CLSTN2: variants seen among roughly 807,000 people sequenced by gnomAD.
CLSTN2 encodes the protein calsyntenin 2.
A neutral mutation model predicts 101.2 loss-of-function variants in CLSTN2; 48 were observed. The ratio of observed to expected loss-of-function variants is 0.47; its 90% confidence interval spans 0.38 to 0.60. The LOEUF (loss-of-function observed/expected upper bound fraction) is 0.60, where lower values mean the gene tolerates loss of function less well. Among genes scored for constraint, CLSTN2 ranks in the 20% least tolerant of loss-of-function variants. The pLI is 0.00. For synonymous variants in CLSTN2, 481 were observed against 463.6 expected (o/e 1.04, Z -0.48); for missense variants, 1,160 against 1,238.2 (o/e 0.94, Z 0.95).
intron 1 of CLSTN2, among the ~76,000 whole-genome samples, chr3:140,003,841 T>G (rs1322740836): frequency 6.6e-6 from 1 of 152,204 alleles, no homozygotes; most frequent in South Asian, 2.1e-4. Context: ...ATTGATTTGA[T>G]TCTTTAACAT....
At chr3:140,175,455 A>T (rs2010308712) in intron 1 of CLSTN2, among the ~76,000 whole-genome samples, 1 of 152,192 alleles carries the variant, frequency 6.6e-6, no homozygotes, top group Non-Finnish European at 1.5e-5. Flanking sequence ...GTATACATGT[A>T]TTTAAAATGC....
intron 2 of CLSTN2, among the ~76,000 whole-genome samples, chr3:140,304,046 A>C (rs576261445): frequency 2.6e-5 from 4 of 152,262 alleles, no homozygotes; most frequent in African/African-American, 9.6e-5. Flanking sequence ...TATGGATTAA[A>C]TGAGACAATA....
intron 1 of CLSTN2, among the ~76,000 whole-genome samples, chr3:139,965,121 G>A (rs1224117595): frequency 6.6e-6 from 1 of 152,090 alleles, no homozygotes; most frequent in South Asian, 2.1e-4. Context: ...GGTGTTATTT[G>A]GTGAAGAAAA....
intron 2 of CLSTN2, among the ~76,000 whole-genome samples, chr3:140,213,546 C>A (rs2010884486): frequency 6.6e-6 from 1 of 152,206 alleles, no homozygotes; most frequent in Admixed American, 6.5e-5. Flanking sequence ...GGCCCACAGG[C>A]CTGGGAAGAG....
chr3:140,188,419 G>T (rs934530720), intron 2 of CLSTN2, among the ~76,000 whole-genome samples: 4 of 152,186 alleles, frequency 2.6e-5, no homozygotes, highest in African/African-American at 7.2e-5. Flanking sequence ...GAAGCATGGT[G>T]GTAGGGAGAG....
chr3:140,057,255 A>C (rs550010749), intron 1 of CLSTN2, among the ~76,000 whole-genome samples: 110 of 152,382 alleles, frequency 7.2e-4, no homozygotes, highest in African/African-American at 2.4e-3. Flanking sequence ...ACTTGAGCCC[A>C]GTGCTCCTAA....
At chr3:140,379,162 A>T (rs2087952240) in intron 2 of CLSTN2, among the ~76,000 whole-genome samples, 1 of 152,214 alleles carries the variant, frequency 6.6e-6, no homozygotes, top group South Asian at 2.1e-4. Context: ...AGAGGCACAG[A>T]TGAATCACTT....
At chr3:139,986,532 G>A (rs1244890613) in intron 1 of CLSTN2, among the ~76,000 whole-genome samples, 1 of 152,164 alleles carries the variant, frequency 6.6e-6, no homozygotes, top group Non-Finnish European at 1.5e-5. Flanking sequence ...CCCTCTTCTT[G>A]TGGAGAACAT....
At chr3:140,331,889 TC>T (rs1277747024) in intron 2 of CLSTN2, among the ~76,000 whole-genome samples, 1 of 152,186 alleles carries the variant, frequency 6.6e-6, no homozygotes, top group Non-Finnish European at 1.5e-5. Context: ...CTATGTCTGT[TC>T]CCTCCAAACC....
intron 2 of CLSTN2, among the ~76,000 whole-genome samples, chr3:140,281,767 A>T (rs200145885): frequency 1.3e-3 from 3 of 2,388 alleles, no homozygotes; most frequent in East Asian, 0.071. Flanking sequence ...AGAGAGCGAG[A>T]GAGAGAGAGA....
At chr3:140,247,266 A>G (rs1448008111) in intron 2 of CLSTN2, among the ~76,000 whole-genome samples, 1 of 152,194 alleles carries the variant, frequency 6.6e-6, no homozygotes, top group African/African-American at 2.4e-5. Context: ...AGCAGCAATT[A>G]TGGCCTAATT....
At chr3:139,938,382 T>C (rs946807560) in intron 1 of CLSTN2, among the ~76,000 whole-genome samples, 2 of 152,204 alleles carry the variant, frequency 1.3e-5, no homozygotes, top group African/African-American at 4.8e-5. Flanking sequence ...TCTTGCTTCT[T>C]GCTTCTTGCT....
chr3:140,049,119 A>G (rs567141138), intron 1 of CLSTN2, among the ~76,000 whole-genome samples: 4 of 152,290 alleles, frequency 2.6e-5, no homozygotes, highest in African/African-American at 4.8e-5. Context: ...AGTTAATTCT[A>G]TCTAAGGCAC....
chr3:140,420,802 G>T (rs531697492), intron 4 of CLSTN2, among the ~76,000 whole-genome samples: 14 of 152,168 alleles, frequency 9.2e-5, no homozygotes. Flanking sequence ...ACAATCACAC[G>T]GCTGTACTTC....
intron 2 of CLSTN2, among the ~76,000 whole-genome samples, chr3:140,212,641 C>G (rs144191583): frequency 6.6e-6 from 1 of 152,210 alleles, no homozygotes; most frequent in Non-Finnish European, 1.5e-5. Flanking sequence ...CCTTTATTGT[C>G]TGTATCCTCC....
intron 1 of CLSTN2, among the ~76,000 whole-genome samples, chr3:140,021,722 C>T (rs2007320781): frequency 6.6e-6 from 1 of 152,172 alleles, no homozygotes; most frequent in Non-Finnish European, 1.5e-5. Flanking sequence ...TGCCACTGCA[C>T]TTGATATTCT....
intron 1 of CLSTN2, among the ~76,000 whole-genome samples, chr3:139,960,016 G>A (rs961372050): frequency 1.5e-4 from 23 of 152,044 alleles, no homozygotes; most frequent in African/African-American, 5.1e-4. Flanking sequence ...GGGTTATCCT[G>A]GACTCTTCTC....
At chr3:140,211,723 G>A (rs572795240) in intron 2 of CLSTN2, among the ~76,000 whole-genome samples, 1 of 151,968 alleles carries the variant, frequency 6.6e-6, no homozygotes, top group South Asian at 2.1e-4. Context: ...TGAATAGGAA[G>A]AAACCTAAAT....
intron 1 of CLSTN2, among the ~76,000 whole-genome samples, chr3:140,015,260 G>A (rs2007177833): frequency 6.6e-6 from 1 of 152,176 alleles, no homozygotes; most frequent in Non-Finnish European, 1.5e-5. Flanking sequence ...CTCTGTCCAG[G>A]AAGAGTACAC....
Sources: allele counts gnomAD v4.1 joint callset (sites outside exome capture counted in the v4.1 genomes callset), GRCh38; gene constraint gnomAD v4.1.1; transcripts MANE v1.5; gene names NCBI Gene and HGNC (gene_info 2026-07-23, HGNC 2026-07-21).